PGPEP1: variants seen among roughly 807,000 people sequenced by gnomAD.
PGPEP1 encodes pyroglutamyl-peptidase I, also known as pyroglutamyl-peptidase 1.
A neutral mutation model predicts 24.1 loss-of-function variants in PGPEP1; 15 were observed. That is an observed-to-expected ratio of 0.62 (90% confidence interval 0.42 to 0.96). The LOEUF is 0.96. PGPEP1 is among the 40% of genes least tolerant of loss of function. The pLI is 0.00. For missense variants in PGPEP1, 242 were observed against 273.4 expected (o/e 0.89, Z 0.81); for synonymous variants, 122 against 116.4 (o/e 1.05, Z -0.31).
intron 4 of PGPEP1, 25 bp downstream of exon 4, chr19:18,357,640 A>C: frequency 6.6e-7 from 1 of 1,518,510 alleles, no homozygotes. Flanking sequence ...GGTGGGAGTG[A>C]GTGGGGATTT....
At position 18,364,479 on chromosome 19, in the gene PGPEP1, T is replaced by C. The variant is rs1971469275; in HGVS notation, c.*896T>C. 6.6e-6 allele frequency: 1 copy of C among 152,076 alleles called. No individual in the cohort carries two copies. Among genetic ancestry groups the C allele is most frequent in the Admixed American group, 6.6e-5 (1 of 15,250 alleles). 9.4% of individuals were successfully genotyped at this position (152,076 alleles called of 1,614,324 possible). A position where few individuals can be genotyped will look rare whatever the true frequency, so the allele number is the denominator to read the frequency against. On this transcript the variant is annotated 3_prime_UTR_variant, in exon 5 of 5. Coordinates refer to ENST00000269919, the MANE Select transcript of PGPEP1 (RefSeq NM_017712.4). ...AAATACAAAAATTAGCCGGGCATGG[T>C]GATGAGTGCCTGTAGTCCCAGCTAC...
At chr19:18,344,831 C>G (rs1230905465) in intron 2 of PGPEP1, among the ~76,000 whole-genome samples, 1 of 152,076 alleles carries the variant, frequency 6.6e-6, no homozygotes, top group African/African-American at 2.4e-5. Context: ...GCCCCAGACA[C>G]TGATCTACAT....
At chr19:18,362,973 C>T (rs891197246) in intron 4 of PGPEP1, among the ~76,000 whole-genome samples, 1 of 151,976 alleles carries the variant, frequency 6.6e-6, no homozygotes, top group East Asian at 1.9e-4. Context: ...CCAGCAATAG[C>T]TCACTCTGCC....
In PGPEP1 at chr19:18,363,719, A is replaced by C; in HGVS notation, c.*136A>C. On this transcript the variant is annotated 3_prime_UTR_variant, in exon 5 of 5. Transcript: ENST00000269919. ...CTGGAAGAGAGATTCTGATCTGCCCACCTCCTCTTCCTCCTTCTCTACAAA... is the reference window on the plus strand; with the variant it reads ...CTGGAAGAGAGATTCTGATCTGCCCCCCTCCTCTTCCTCCTTCTCTACAAA... 1 of 587,434 alleles carries C rather than the reference A, an allele frequency of 1.7e-6. No homozygotes were observed. 36.4% of individuals were successfully genotyped at this position (587,434 alleles called of 1,614,324 possible).
At chr19:18,347,248 A>ATTTT (rs200469370) in intron 2 of PGPEP1, among the ~76,000 whole-genome samples, 1 of 102,852 alleles carries the variant, frequency 9.7e-6, no homozygotes, top group African/African-American at 3.4e-5. Context: ...CACCCAGCTA[A>ATTTT]TTTTTTTTTC....
At chr19:18,350,321 G>A (rs191325142) in intron 2 of PGPEP1, among the ~76,000 whole-genome samples, 58 of 152,202 alleles carry the variant, frequency 3.8e-4, no homozygotes, top group African/African-American at 1.1e-3. Flanking sequence ...CACTGCACCC[G>A]GCCTGTTGAT....
rs145787076 is a variant in PGPEP1 at position 18,361,722 on chromosome 19, T to C, written c.438-1669T>C. ...TCTGATAAGTCAGACACGGAAACCA[T>C]GAAGCTCCTACTGACTGACACGTTT... On this transcript the variant is annotated intron_variant, in intron 4 of 4. Coordinates refer to ENST00000269919, the MANE Select transcript of PGPEP1 (RefSeq NM_017712.4). 8.3e-4 allele frequency: 822 copies of C among 985,244 alleles called. 7 individuals are homozygous for C. In the African/African-American group the frequency reaches 0.014, roughly 16 times the overall value. 61.0% of individuals were successfully genotyped at this position (985,244 alleles called of 1,614,324 possible). A position where few individuals can be genotyped will look rare whatever the true frequency, so the allele number is the denominator to read the frequency against.
chr19:18,345,702 G>A (rs1399147027), intron 2 of PGPEP1, among the ~76,000 whole-genome samples: 1 of 143,196 alleles, frequency 7.0e-6, no homozygotes, highest in African/African-American at 2.6e-5. Context: ...CTCTAGCCCA[G>A]GTGACAGAGC....
intron 2 of PGPEP1, 88 bp downstream of exon 2, chr19:18,342,999 A>G (rs1483233372): frequency 2.0e-6 from 2 of 1,018,880 alleles, no homozygotes; most frequent in Non-Finnish European, 3.0e-6. Context: ...CCTTTTAACA[A>G]AAACTTTTTT....
chr19:18,341,021 C>T (rs1970657364), intron 1 of PGPEP1, among the ~76,000 whole-genome samples: 1 of 152,148 alleles, frequency 6.6e-6, no homozygotes, highest in Non-Finnish European at 1.5e-5. Flanking sequence ...CCTCCTGGCA[C>T]CTGCCTCCTC....
At chr19:18,361,889 T>G (rs1401186899) in intron 4 of PGPEP1, 1 of 985,136 alleles carries the variant, frequency 1.0e-6, no homozygotes, top group Admixed American at 6.2e-5. Flanking sequence ...GCGTTCAACA[T>G]GCATCTGGCG....
chr19:18,361,213 C>A (rs1971341364), intron 4 of PGPEP1, among the ~76,000 whole-genome samples: 1 of 151,738 alleles, frequency 6.6e-6, no homozygotes, highest in Non-Finnish European at 1.5e-5. Context: ...TCTCAGCTCA[C>A]CGCAACCTCT....
chr19:18,347,139 G>T (rs1268039729), intron 2 of PGPEP1, among the ~76,000 whole-genome samples: 2 of 150,444 alleles, frequency 1.3e-5, no homozygotes, highest in African/African-American at 4.9e-5. Flanking sequence ...AACGAGTGAG[G>T]TGAGCAATCT....
rs367791297 is a variant in PGPEP1 at position 18,357,811 on chromosome 19, C to G, written c.437+196C>G. 65 of 586,688 alleles carry G rather than the reference C, an allele frequency of 1.1e-4. 1 individual carries two copies. In the East Asian group the frequency reaches 1.5e-3, roughly 13 times the overall value. The allele number at this position is 586,688 out of a possible 1,614,324, so 36.3% of individuals were successfully genotyped here. On this transcript the variant is annotated intron_variant, in intron 4 of 4. Coordinates refer to ENST00000269919, the MANE Select transcript of PGPEP1 (RefSeq NM_017712.4). ...GGGACTCATGGATCTGCCCACTTCT[C>G]CCCACCATCACGGTCCCCACCAAGG...
chr19:18,357,766 G>A (rs993024054), intron 4 of PGPEP1, 151 bp downstream of exon 4: 5 of 634,480 alleles, frequency 7.9e-6, no homozygotes, highest in Middle Eastern at 8.4e-4. Flanking sequence ...TACGTAGCAG[G>A]TGCCGTTGGT....
Position 18,342,874 on chromosome 19 carries a change from G to T in PGPEP1, c.50G>T (p.Gly17Val). 1 of 1,613,834 alleles carries T rather than the reference G, an allele frequency of 6.2e-7. No homozygotes were observed. The highest frequency in any genetic ancestry group is 8.5e-7 in the Non-Finnish European group (1 of 1,179,762). ...AVVVTGFGPF[G>V]EHTVNASWIA... The stretch of plus-strand genomic sequence containing the variant: ...GTTTTTTCAGGATTTGGCCCTTTTG[G>T]GGAACACACCGTGAACGCCAGTTGG... The change falls in exon 2 of 5, where the codon GGG becomes GTG. Residue 17 changes from glycine to valine, a missense_variant. Gly to Val is a moderately radical substitution (Grantham distance 109, BLOSUM62 -3). Coordinates refer to ENST00000269919, the MANE Select transcript of PGPEP1 (RefSeq NM_017712.4).
chr19:18,357,288 G>A (rs2144567214), intron 3 of PGPEP1, 95 bp from the exon 4 acceptor site: 1 of 808,784 alleles, frequency 1.2e-6, no homozygotes, highest in East Asian at 2.7e-5. Flanking sequence ...CCCAGGCAGA[G>A]CTCATTAAGG....
In PGPEP1 at chr19:18,342,879, C is replaced by T; in HGVS notation, c.55C>T (p.His19Tyr). ...VVTGFGPFGE[H>Y]TVNASWIAVQ... Reference sequence around the variant, plus strand: ...TTCAGGATTTGGCCCTTTTGGGGAACACACCGTGAACGCCAGTTGGATTGC... The same window carrying T: ...TTCAGGATTTGGCCCTTTTGGGGAATACACCGTGAACGCCAGTTGGATTGC... Residue 19 changes from histidine (H) to tyrosine (Y), a missense_variant, in exon 2 of 5, where the codon CAC becomes TAC. Coordinates refer to ENST00000269919, the MANE Select transcript of PGPEP1 (RefSeq NM_017712.4). 4 of 1,613,862 alleles carry T rather than the reference C, an allele frequency of 2.5e-6. No homozygotes were observed. The highest frequency in any genetic ancestry group is 3.4e-6 in the Non-Finnish European group (4 of 1,179,772).
At chr19:18,343,491 C>T (rs989303437) in intron 2 of PGPEP1, among the ~76,000 whole-genome samples, 4 of 152,142 alleles carry the variant, frequency 2.6e-5, no homozygotes, top group Middle Eastern at 3.4e-3. Context: ...GGGAGTTCTC[C>T]GAGGTCACAC....
Sources: gnomAD v4.1 joint callset for allele counts (sites outside exome capture counted in the v4.1 genomes callset) on GRCh38, gnomAD v4.1.1 for gene constraint, MANE v1.5 for transcripts, NCBI Gene and HGNC (gene_info 2026-07-23, HGNC 2026-07-21) for gene names.